RALGAPA1: variants seen among roughly 807,000 people sequenced by gnomAD.
The protein encoded by RALGAPA1 is Ral GTPase activating protein catalytic subunit alpha 1.
RALGAPA1 carries 52 observed loss-of-function variants against 269.6 expected under a neutral mutation model. The observed-to-expected ratio is 0.19, with a 90% CI of 0.15 to 0.24. The LOEUF (loss-of-function observed/expected upper bound fraction) is 0.24, where lower values mean the gene tolerates loss of function less well. Ranked by LOEUF, RALGAPA1 falls within the 10% of genes least tolerant of loss-of-function variation. The pLI, the probability that RALGAPA1 is intolerant of heterozygous loss-of-function variation, is 1.00. For missense variants in RALGAPA1, 1,917 were observed against 3,013.9 expected (o/e 0.64, Z 8.52); for synonymous variants, 817 against 1,008.3 (o/e 0.81, Z 3.60).
chr14:35,790,631 T>G (rs2076095048), intron 1 of RALGAPA1, among the ~76,000 whole-genome samples: 1 of 144,284 alleles, frequency 6.9e-6, no homozygotes, highest in African/African-American at 2.6e-5. Context: ...GAGACTGCAG[T>G]GAGCCTAGAT....
chr14:35,548,662 T>C, intron 40 of RALGAPA1, 124 bp from the exon 41 acceptor site: 3 of 601,934 alleles, frequency 5.0e-6, no homozygotes, highest in Non-Finnish European at 8.6e-6. Flanking sequence ...AGTACCCTCT[T>C]ACACTCTTTA....
intron 35 of RALGAPA1, among the ~76,000 whole-genome samples, chr14:35,612,308 T>A (rs143750014): frequency 0.015 from 2,289 of 150,416 alleles, 41 homozygotes; most frequent in East Asian, 0.055. Flanking sequence ...GAAGTTGAGG[T>A]TGCAGTGAGC....
At chr14:35,562,993 C>T (rs1164107427) in intron 39 of RALGAPA1, among the ~76,000 whole-genome samples, 2 of 123,616 alleles carry the variant, frequency 1.6e-5, no homozygotes, top group Non-Finnish European at 3.1e-5. Flanking sequence ...TGTACTCCAG[C>T]CTGGGCAACA....
chr14:35,783,926 T>C (rs1357961684), intron 1 of RALGAPA1, among the ~76,000 whole-genome samples: 1 of 152,036 alleles, frequency 6.6e-6, no homozygotes, highest in Admixed American at 6.6e-5. Context: ...GTGTTGGCAA[T>C]ATGGGAAAAT....
At chr14:35,578,666 AC>A (rs1430831656) in intron 37 of RALGAPA1, among the ~76,000 whole-genome samples, 3 of 152,224 alleles carry the variant, frequency 2.0e-5, no homozygotes, top group African/African-American at 7.2e-5. Flanking sequence ...ATATAACAAT[AC>A]TTATCTTGCA....
chr14:35,610,578 G>C (rs1348069338), intron 35 of RALGAPA1, among the ~76,000 whole-genome samples: 1 of 151,998 alleles, frequency 6.6e-6, no homozygotes, highest in Non-Finnish European at 1.5e-5. Flanking sequence ...CACTGCGCCT[G>C]GCCAAAAGAC....
chr14:35,716,188 G>C, intron 16 of RALGAPA1: 1 of 493,920 alleles, frequency 2.0e-6, no homozygotes, highest in Non-Finnish European at 2.6e-6. Flanking sequence ...GAGGTCAGGA[G>C]TTCAAGACCA....
chr14:35,689,160 T>C lies in RALGAPA1; in HGVS notation c.3251A>G (p.Lys1084Arg), dbSNP rs2066252863. 6.5e-6 allele frequency: 8 copies of C among 1,234,266 alleles called. No homozygotes were observed. The highest frequency in any genetic ancestry group is 8.1e-6 in the Non-Finnish European group (8 of 989,370). 76.5% of individuals were successfully genotyped at this position (1,234,266 alleles called of 1,614,324 possible). ...CVDVTLVEKL[K>R]SVQINEKITV... ...GATTTTTTCATTAATTTGCACACTC[T>C]TAAGCTTTTCAACTAGTGTTACATC... The change falls in exon 18 of 42, where the codon AAG becomes AGG. Residue 1084 changes from lysine (K) to arginine (R), a missense_variant. This residue lies in a region of RALGAPA1 where 615 missense variants were observed against 790.0 expected (regional missense o/e 0.78). Transcript: ENST00000680220.
At chr14:35,612,779 C>G (rs1359140533) in intron 35 of RALGAPA1, among the ~76,000 whole-genome samples, 1 of 152,070 alleles carries the variant, frequency 6.6e-6, no homozygotes, top group African/African-American at 2.4e-5. Context: ...ACCTCGTGAT[C>G]CGCCCTCCTT....
intron 39 of RALGAPA1, among the ~76,000 whole-genome samples, chr14:35,549,852 T>C (rs2054813759): frequency 6.6e-6 from 1 of 152,122 alleles, no homozygotes; most frequent in African/African-American, 2.4e-5. Flanking sequence ...TGAATCTGTA[T>C]GCTGGGAAAA....
intron 16 of RALGAPA1, among the ~76,000 whole-genome samples, chr14:35,711,657 G>A (rs993294360): frequency 3.3e-5 from 5 of 151,802 alleles, no homozygotes; most frequent in African/African-American, 9.7e-5. Flanking sequence ...ACCATGTTAC[G>A]TAGGCTGGTC....
At chr14:35,675,615 A>G (rs980116665) in intron 22 of RALGAPA1, among the ~76,000 whole-genome samples, 1 of 152,228 alleles carries the variant, frequency 6.6e-6, no homozygotes, top group African/African-American at 2.4e-5. Flanking sequence ...ATGTGTTATA[A>G]AAGTTATTTA....
chr14:35,650,862 G>GA (rs2062781374), intron 31 of RALGAPA1, among the ~76,000 whole-genome samples: 1 of 152,016 alleles, frequency 6.6e-6, no homozygotes, highest in Non-Finnish European at 1.5e-5. Context: ...TTTGTGCCTT[G>GA]TCTAACAGAA....
chr14:35,599,253 T>C (rs1014258744), intron 36 of RALGAPA1, among the ~76,000 whole-genome samples: 2 of 152,224 alleles, frequency 1.3e-5, no homozygotes, highest in East Asian at 3.8e-4. Context: ...TGATTGTATC[T>C]ATCCATTTTT....
chr14:35,704,806 T>C (rs1567046523), intron 16 of RALGAPA1, among the ~76,000 whole-genome samples: 1 of 152,112 alleles, frequency 6.6e-6, no homozygotes, highest in Non-Finnish European at 1.5e-5. Context: ...ACCAGGTTTG[T>C]TATTAAAGGA....
chr14:35,613,126 G>T (rs1023960020), intron 35 of RALGAPA1, among the ~76,000 whole-genome samples: 1 of 150,888 alleles, frequency 6.6e-6, no homozygotes. Context: ...CTGTCATCCA[G>T]GCTGGAGGGC....
chr14:35,808,574 G>C (rs758116547), intron 1 of RALGAPA1, among the ~76,000 whole-genome samples, 156 bp downstream of exon 1: 6 of 152,120 alleles, frequency 3.9e-5, no homozygotes, highest in Non-Finnish European at 8.8e-5. Flanking sequence ...CCAAGTTTTC[G>C]CTTCTCCGAA....
At chr14:35,748,922 C>T (rs2072409995) in intron 9 of RALGAPA1, 98 bp from the exon 10 acceptor site, 58 of 1,407,130 alleles carry the variant, frequency 4.1e-5, no homozygotes, top group Non-Finnish European at 5.2e-5. Flanking sequence ...AAATCCAAAA[C>T]ATTTCCCAAG....
At chr14:35,667,013 ATCTCTAGTTTG>A (rs1414455537) in intron 26 of RALGAPA1, among the ~76,000 whole-genome samples, 1 of 152,212 alleles carries the variant, frequency 6.6e-6, no homozygotes, top group African/African-American at 2.4e-5. Flanking sequence ...CTTGTTTACC[ATCTCTAGTTTG>A]TCTTCCATTA....
Sources: allele counts gnomAD v4.1 joint callset (sites outside exome capture counted in the v4.1 genomes callset), GRCh38; gene constraint gnomAD v4.1.1; regional missense constraint gnomAD v4.1.1; transcripts MANE v1.5; gene names NCBI Gene and HGNC (gene_info 2026-07-23, HGNC 2026-07-21).